The following KAT14 variants were observed in gnomAD, a reference collection of about 807,000 sequenced individuals.
KAT14 encodes the protein cysteine-rich protein 2-binding protein.
Under a neutral mutation model 78.4 loss-of-function variants are expected in KAT14, and 66 were observed. The observed-to-expected ratio is 0.84, with a 90% CI of 0.69 to 1.03. The LOEUF is 1.03. KAT14 is among the 50% of genes least tolerant of loss of function. The pLI is 0.00. For synonymous variants in KAT14, 344 were observed against 359.4 expected (o/e 0.96, Z 0.48); for missense variants, 870 against 972.5 (o/e 0.89, Z 1.40).
chr20:18,162,079 C>T lies in KAT14; in HGVS notation c.939C>T (p.Ser313=), dbSNP rs763221868. The T allele has an allele frequency of 6.2e-7, 1 of 1,614,224 alleles. No individual in the cohort carries two copies. The highest frequency in any genetic ancestry group is 1.7e-5 in the Admixed American group (1 of 60,030). ...AAGGCGAAGTGATTGACTTTTCCTC[C>T]TTGAGCTCCTCTGACCGCACCCCGC... ...LEKGEVIDFS[S]LSSSDRTPLT... is the part of the protein sequence containing the mutation. The change falls in exon 6 of 11, where the codon TCC becomes TCT. Residue 313 remains serine (S), a synonymous_variant. Coordinates refer to ENST00000688188, the MANE Select transcript of KAT14 (RefSeq NM_001392073.1).
At chr20:18,181,928 G>C in intron 8 of KAT14, 82 bp downstream of exon 8, 1 of 1,566,154 alleles carries the variant, frequency 6.4e-7, no homozygotes, top group Non-Finnish European at 8.7e-7. Context: ...TCTCCTGTTG[G>C]AGAGAATAAA....
chr20:18,156,705 C>G lies in KAT14; in HGVS notation c.501-2379C>G, dbSNP rs1195194913. ...CCTCTCCCCTAGCTTCTGTTAGCCA[C>G]AGGCCTTCCTTGGCTTGTAGATGAC... On this transcript the variant is annotated intron_variant, in intron 4 of 10. Transcript: ENST00000688188. 5.3e-5 allele frequency among the ~76,000 whole-genome samples: 8 copies of G among 152,174 alleles called. No individual in the cohort carries two copies. In the East Asian group the frequency reaches 1.5e-3, roughly 29 times the overall value.
intron 2 of KAT14, among the ~76,000 whole-genome samples, chr20:18,144,611 A>G (rs2037748573): frequency 1.3e-5 from 2 of 152,154 alleles, no homozygotes. Context: ...AGCACATTCC[A>G]TTCCTTATGT....
At chr20:18,181,919 C>G (rs1384605943) in intron 8 of KAT14, 73 bp downstream of exon 8, 1 of 1,584,560 alleles carries the variant, frequency 6.3e-7, no homozygotes, top group Non-Finnish European at 8.6e-7. Context: ...GTGCCCTGTT[C>G]TCCTGTTGGA....
rs533427552 is a variant in KAT14, at chr20:18,149,699, G to T, written c.379-1122G>T. ...TATAGAAATAAGGATTAGGCTGGGC[G>T]CAGTGGCTCACATCTGTAATCCCAG... On this transcript the variant is annotated intron_variant, in intron 3 of 10. Transcript: ENST00000688188. Among the ~76,000 whole-genome samples, 5 of 152,096 alleles carry T rather than the reference G, an allele frequency of 3.3e-5. No homozygotes were observed. The East Asian group carries it at 7.7e-4, about 23-fold the overall frequency.
chr20:18,176,984 A>T (rs1200644014), intron 7 of KAT14, among the ~76,000 whole-genome samples: 1 of 152,188 alleles, frequency 6.6e-6, no homozygotes, highest in Non-Finnish European at 1.5e-5. Context: ...TATAACTTTG[A>T]TGGAGCTTCC....
At chr20:18,145,197 A>G (rs368588142) in intron 2 of KAT14, 36 bp from the exon 3 acceptor site, 64 of 1,610,394 alleles carry the variant, frequency 4.0e-5, no homozygotes, top group Admixed American at 2.9e-4. Flanking sequence ...GCTGCTCTAG[A>G]TAAACCCATG....
Position 18,162,381 on chromosome 20 carries a change from C to T in KAT14, c.1104C>T (p.Asp368=), listed in dbSNP as rs755494030. 5.0e-6 allele frequency: 8 copies of T among 1,610,816 alleles called. No individual in the cohort carries two copies. The highest frequency in any genetic ancestry group is 2.2e-5 in the South Asian group (2 of 90,458). The change falls in exon 7 of 11, where the codon GAC becomes GAT. Residue 368 remains aspartate, a synonymous_variant. Coordinates refer to ENST00000688188, the MANE Select transcript of KAT14 (RefSeq NM_001392073.1). The stretch of plus-strand genomic sequence containing the variant: ...ACTGTTTTGTACTCTGCACAGATGA[C>T]GATGAGATGGAAGGCGATGGAGTCA... ...VMPPQALFHD[D]DEMEGDGVID... is the part of the protein sequence containing the mutation.
Position 18,161,895 on chromosome 20 carries a change from A to G in KAT14, c.755A>G (p.Glu252Gly). 6.2e-7 allele frequency: 1 copy of G among 1,614,218 alleles called. No homozygotes were observed. The highest frequency in any genetic ancestry group is 8.5e-7 in the Non-Finnish European group (1 of 1,180,038). ...LRKRASRNPV[E>G]SAMELKEKRS... is the part of the protein sequence containing the mutation. Reference sequence around the variant, plus strand: ...AAACGAGCAAGTCGGAATCCTGTGGAATCTGCCATGGAATTAAAAGAGAAA... The same window carrying G: ...AAACGAGCAAGTCGGAATCCTGTGGGATCTGCCATGGAATTAAAAGAGAAA... The change falls in exon 6 of 11, where the codon GAA becomes GGA. Residue 252 changes from glutamate to glycine, a missense_variant. Physicochemically the swap from Glu to Gly is moderately conservative, Grantham distance 98. Transcript: ENST00000688188.
chr20:18,163,064 GA>G (rs780030619), intron 7 of KAT14, 119 bp downstream of exon 7: 40 of 1,320,722 alleles, frequency 3.0e-5, no homozygotes, highest in Non-Finnish European at 3.9e-5. Flanking sequence ...TTTGGGAAGA[GA>G]AAAGTAAAGT....
At chr20:18,147,071 T>C (rs1005191479) in intron 3 of KAT14, among the ~76,000 whole-genome samples, 1 of 152,162 alleles carries the variant, frequency 6.6e-6, no homozygotes, top group Non-Finnish European at 1.5e-5. Context: ...TTGAAGGAAA[T>C]AGAGTAATGA....
At position 18,184,713 on chromosome 20, in the gene KAT14, C is replaced by T; in HGVS notation, c.2093C>T (p.Ala698Val). The change falls in exon 10 of 11, where the codon GCT (alanine) becomes GTT (valine). Residue 698 changes from alanine (A) to valine (V), a missense_variant. Ala to Val is a moderately conservative substitution (Grantham distance 64). Transcript: ENST00000688188. ...FMVPDVKYNE[A>V]YISFLFVHPE... ...GTTCCTGATGTGAAATACAATGAAG[C>T]TTACATTTCATTTCTGTTCGTCCAC... is the stretch of plus-strand genomic sequence containing the variant. The T allele has an allele frequency of 2.5e-6, 4 of 1,613,614 alleles. No individual in the cohort carries two copies. The highest frequency in any genetic ancestry group is 1.1e-5 in the South Asian group (1 of 90,988).
rs1164718163 is a variant in KAT14 at position 18,162,878 on chromosome 20, G to C, written c.1601G>C (p.Arg534Thr). ...GGAGCCAAAGAAGGAGGAATTTCCA[G>C]ACTTCCAGCTGGACAAGCCACGTAC... ...IYGAKEGGIS[R>T]LPAGQATYRT... Residue 534 changes from arginine (R) to threonine (T), a missense_variant, in exon 7 of 11, where the codon AGA becomes ACA. Arg to Thr is a moderately conservative substitution (Grantham distance 71). Transcript: ENST00000688188. 1.2e-6 allele frequency: 2 copies of C among 1,614,192 alleles called. No homozygotes were observed. Among genetic ancestry groups the C allele is most frequent in the African/African-American group, 2.7e-5 (2 of 75,062 alleles).
chr20:18,172,465 T>C (rs2038881247), intron 7 of KAT14, among the ~76,000 whole-genome samples: 1 of 151,770 alleles, frequency 6.6e-6, no homozygotes, highest in Non-Finnish European at 1.5e-5. Flanking sequence ...GGCACAATCA[T>C]GGCTCACTGT....
intron 8 of KAT14, 136 bp downstream of exon 8, chr20:18,181,982 C>T (rs1233585821): frequency 3.8e-5 from 51 of 1,326,968 alleles, no homozygotes; most frequent in Admixed American, 1.5e-4. Context: ...GAGTTCTGTG[C>T]TTCACCTCCA....
Position 18,162,829 on chromosome 20 carries a change from C to G in KAT14, c.1552C>G (p.Leu518Val). The G allele has an allele frequency of 6.2e-7, 1 of 1,614,152 alleles. No individual in the cohort carries two copies. Among genetic ancestry groups the G allele is most frequent in the South Asian group, 1.1e-5 (1 of 91,076 alleles). The change falls in exon 7 of 11, where the codon CTT becomes GTT. Residue 518 changes from leucine to valine, a missense_variant. Transcript: ENST00000688188. Reference protein sequence around the residue: ...FDLDQVVNAALLLVDGIYGAK... With the variant: ...FDLDQVVNAAVLLVDGIYGAK... ...CTTGGATCAAGTTGTTAATGCTGCTCTTTTGTTAGTTGACGGGATTTATGG... is the reference window on the plus strand; with the variant it reads ...CTTGGATCAAGTTGTTAATGCTGCTGTTTTGTTAGTTGACGGGATTTATGG...
At chr20:18,175,327 G>A (rs2038997098) in intron 7 of KAT14, among the ~76,000 whole-genome samples, 2 of 152,106 alleles carry the variant, frequency 1.3e-5, no homozygotes, top group African/African-American at 4.8e-5. Context: ...TGCTGCTCTG[G>A]CGTTACCTTC....
In KAT14 at chr20:18,161,706, G is replaced by A. The variant is rs1045592175; in HGVS notation, c.683-117G>A. The A allele has an allele frequency of 9.4e-6, 13 of 1,385,718 alleles. No homozygotes were observed. In the African/African-American group the frequency reaches 1.8e-4, roughly 19 times the overall value. 85.8% of individuals were successfully genotyped at this position (1,385,718 alleles called of 1,614,324 possible). The stretch of plus-strand genomic sequence containing the variant: ...TGTATTTCTGGGTTTGGGATACTCA[G>A]CCAATAAGTAAAATGCAAATATTCC... On this transcript the variant is annotated intron_variant, in intron 5 of 10. Transcript: ENST00000688188.
In KAT14 at chr20:18,177,190, C is replaced by G. The variant is rs2039080559; in HGVS notation, c.1669-4520C>G. 1.3e-5 allele frequency among the ~76,000 whole-genome samples: 2 copies of G among 152,068 alleles called. 1 individual carries two copies. Among genetic ancestry groups the G allele is most frequent in the South Asian group, 4.1e-4 (2 of 4,828 alleles). ...GGTTCTTTACTTAGTGGGCTGAAGG[C>G]TGGGTTCACTCATGTGCTGCATTAA... is the stretch of plus-strand genomic sequence containing the variant. On this transcript the variant is annotated intron_variant, in intron 7 of 10. Transcript: ENST00000688188.
Sources: gnomAD v4.1 joint callset for allele counts (sites outside exome capture counted in the v4.1 genomes callset) on GRCh38, gnomAD v4.1.1 for gene constraint, MANE v1.5 for transcripts, NCBI Gene and HGNC (gene_info 2026-07-23, HGNC 2026-07-21) for gene names.